Variants in E4F1 observed in about 807,000 individuals in gnomAD.
E4F1 encodes the protein transcription factor E4F1.
E4F1 carries 30 observed loss-of-function variants against 72.9 expected under a neutral mutation model. The observed-to-expected ratio is 0.41, with a 90% CI of 0.31 to 0.56. The LOEUF (loss-of-function observed/expected upper bound fraction) is 0.56. Among genes scored for constraint, E4F1 ranks in the 20% least tolerant of loss-of-function variants. The pLI, the probability that E4F1 is intolerant of heterozygous loss-of-function variation, is 0.25. For synonymous variants in E4F1, 542 were observed against 478.2 expected (o/e 1.13, Z -1.74); for missense variants, 1,091 against 1,117.5 (o/e 0.98, Z 0.34).
chr16:2,234,418 C>T (rs1039257561), intron 10 of E4F1, 30 bp downstream of exon 10: 1 of 1,610,228 alleles, frequency 6.2e-7, no homozygotes, highest in African/African-American at 1.3e-5. Context: ...ACCCTGGCGC[C>T]TGATCCCCCC....
intron 1 of E4F1, among the ~76,000 whole-genome samples, chr16:2,225,400 G>A (rs1284793919): frequency 6.6e-6 from 1 of 151,730 alleles, no homozygotes; most frequent in Non-Finnish European, 1.5e-5. Context: ...TTGGGAGGCT[G>A]AGGTGAGAGG....
At chr16:2,229,739 C>T in intron 3 of E4F1, 64 bp downstream of exon 3, 1 of 1,549,496 alleles carries the variant, frequency 6.5e-7, no homozygotes, top group Non-Finnish European at 8.9e-7. Flanking sequence ...GAGGATGGGG[C>T]CCCTGCTGCC....
chr16:2,235,111 G>A lies in E4F1; in HGVS notation c.1966G>A (p.Ala656Thr). The change falls in exon 13 of 14, where the codon GCC becomes ACC. Residue 656 changes from alanine to threonine, a missense_variant. By Grantham distance (58) the Ala-to-Thr change is moderately conservative (BLOSUM62 0). Transcript: ENST00000301727. ...ATADDAETSEATEIIEGTQTE... is the reference protein window; with the variant it reads ...ATADDAETSETTEIIEGTQTE... ...TGCGGACGATGCGGAGACCAGTGAG[G>A]CCACGGAGATCATCGAGGGCACCCA... 1 of 1,612,416 alleles carries A rather than the reference G, an allele frequency of 6.2e-7. No homozygotes were observed. The highest frequency in any genetic ancestry group is 8.5e-7 in the Non-Finnish European group (1 of 1,179,930).
At chr16:2,229,539 C>T (rs758203892) in intron 2 of E4F1, 31 bp from the exon 3 acceptor site, 23 of 1,595,900 alleles carry the variant, frequency 1.4e-5, no homozygotes, top group East Asian at 8.9e-5. Flanking sequence ...AGCATACAGA[C>T]GACTCCCCTG....
intron 1 of E4F1, chr16:2,224,051 C>A: frequency 1.7e-6 from 2 of 1,180,472 alleles, no homozygotes; most frequent in Non-Finnish European, 2.2e-6. Flanking sequence ...CATTCGCAGA[C>A]GCCGGCGTCC....
rs1242402140 is a variant in E4F1 at position 2,229,570 on chromosome 16, G to A, written c.310G>A (p.Val104Met). The A allele has an allele frequency of 6.2e-7, 1 of 1,609,988 alleles. No individual in the cohort carries two copies. The highest frequency in any genetic ancestry group is 1.7e-5 in the Admixed American group (1 of 60,012). The change falls in exon 3 of 14, where the codon GTG becomes ATG. Residue 104 changes from valine to methionine, a missense_variant and splice_region_variant. Val to Met is a conservative substitution (Grantham distance 21, BLOSUM62 1). Transcript: ENST00000301727. ...CCCTGTTTTCTTCCCCCTTTGGCAG[G>A]TGGTGCCGGCAGCACCAGGCCCAGA... ...PATTALLGQE[V>M]VPAAPGPEEP...
chr16:2,226,174 T>G (rs1313643356), intron 1 of E4F1, among the ~76,000 whole-genome samples: 4 of 152,208 alleles, frequency 2.6e-5, no homozygotes, highest in Non-Finnish European at 4.4e-5. Flanking sequence ...GTCTTGTCTT[T>G]GTCCCCATAG....
At chr16:2,235,024 G>C in intron 12 of E4F1, 23 bp downstream of exon 12, 5 of 1,611,946 alleles carry the variant, frequency 3.1e-6, no homozygotes, top group Non-Finnish European at 4.2e-6. Flanking sequence ...CCCTGGGGCC[G>C]TGCTGGGACC....
At chr16:2,231,029 C>T (rs1243813878) in intron 3 of E4F1, 1 of 152,622 alleles carries the variant, frequency 6.6e-6, no homozygotes, top group Admixed American at 6.5e-5. Context: ...TCTGGCACCC[C>T]TGGGATTTTC....
intron 2 of E4F1, 86 bp downstream of exon 2, chr16:2,228,609 G>C (rs1033484216): frequency 1.3e-6 from 2 of 1,502,190 alleles, no homozygotes; most frequent in Admixed American, 4.0e-5. Context: ...GACCTGTGCA[G>C]CCGGTTCCGG....
Position 2,233,596 on chromosome 16 carries a change from G to A in E4F1, c.1215G>A (p.Leu405=), listed in dbSNP as rs370653709. 1.0e-4 allele frequency: 157 copies of A among 1,510,268 alleles called. No homozygotes were observed. The African/African-American group carries it at 2.0e-3, about 19-fold the overall frequency. 93.6% of individuals were successfully genotyped at this position (1,510,268 alleles called of 1,614,324 possible). A position where few individuals can be genotyped will look rare whatever the true frequency, so the allele number is the denominator to read the frequency against. ...APAAGSSPQP[L]AVAAPQLPVL... ...CTGCCGGGTCCAGTCCCCAGCCCCT[G>A]GCAGTGGCAGCCCCGCAGCTGCCGG... is the stretch of plus-strand genomic sequence containing the variant. Residue 405 remains leucine (L), a synonymous_variant, in exon 8 of 14, where the codon CTG becomes CTA. Transcript: ENST00000301727.
At chr16:2,225,414 A>G (rs2093425096) in intron 1 of E4F1, among the ~76,000 whole-genome samples, 1 of 150,578 alleles carries the variant, frequency 6.6e-6, no homozygotes, top group African/African-American at 2.4e-5. Flanking sequence ...TGAGAGGATC[A>G]CTTGAGCCCA....
At chr16:2,228,233 C>A in intron 1 of E4F1, 139 bp from the exon 2 acceptor site, 1 of 1,191,366 alleles carries the variant, frequency 8.4e-7, no homozygotes, top group Non-Finnish European at 1.2e-6. Context: ...CGAGTGTGTT[C>A]TCAGCAGCCT....
intron 3 of E4F1, chr16:2,231,935 C>T: frequency 3.5e-6 from 2 of 563,642 alleles, no homozygotes; most frequent in Non-Finnish European, 3.1e-6. Flanking sequence ...ATTTAGGGGC[C>T]CTGGAGCATC....
Position 2,228,541 on chromosome 16 carries a change from C to A in E4F1, c.309+18C>A, listed in dbSNP as rs747510999. 20 of 1,607,164 alleles carry A rather than the reference C, an allele frequency of 1.2e-5. No individual in the cohort carries two copies. The highest frequency in any genetic ancestry group is 1.5e-5 in the Non-Finnish European group (18 of 1,176,036). ...GCCAGGAGGTGAGCCCTCACCCACT[C>A]CCCCATCCCCTCCCGGGTTCACCTG... On this transcript the variant is annotated intron_variant, in intron 2 of 13. Coordinates refer to ENST00000301727, the MANE Select transcript of E4F1 (RefSeq NM_004424.5).
intron 1 of E4F1, among the ~76,000 whole-genome samples, chr16:2,226,482 G>T (rs1490509257): frequency 6.6e-6 from 1 of 152,206 alleles, no homozygotes; most frequent in Non-Finnish European, 1.5e-5. Context: ...GCCCCTGCAG[G>T]CGAGTCATAG....
chr16:2,233,412 G>C (rs2093480910), intron 7 of E4F1, 26 bp from the exon 8 acceptor site: 8 of 1,502,210 alleles, frequency 5.3e-6, no homozygotes, highest in Non-Finnish European at 7.1e-6. Flanking sequence ...TGCCTGGCCA[G>C]CCTCCTCTCT....
intron 1 of E4F1, among the ~76,000 whole-genome samples, chr16:2,226,782 G>A (rs1042025186): frequency 7.2e-5 from 11 of 152,236 alleles, no homozygotes; most frequent in African/African-American, 2.7e-4. Flanking sequence ...CCCCAGTGAG[G>A]TGCTTGGCAC....
chr16:2,233,976 A>G lies in E4F1; in HGVS notation c.1361A>G (p.Lys454Arg). The G allele has an allele frequency of 6.3e-7, 1 of 1,595,394 alleles. No homozygotes were observed. Among genetic ancestry groups the G allele is most frequent in the Non-Finnish European group, 8.5e-7 (1 of 1,171,208 alleles). ...ACAGCAGCCACCCTGGAGGCCCACA[A>G]GAGGGGCCACACCGGTAGGTGATGG... is the stretch of plus-strand genomic sequence containing the variant. ...FPTAATLEAH[K>R]RGHTGPRPFA... is the part of the protein sequence containing the mutation. The change falls in exon 9 of 14, where the codon AAG (lysine) becomes AGG (arginine). Residue 454 changes from lysine (K) to arginine (R), a missense_variant. By Grantham distance (26) the Lys-to-Arg change is conservative (BLOSUM62 2). Around this residue, in one of 5 missense-constraint regions of E4F1, gnomAD observed 622 missense variants for 628.0 expected, o/e 0.99. Coordinates refer to ENST00000301727, the MANE Select transcript of E4F1 (RefSeq NM_004424.5).
Sources: gnomAD v4.1 joint callset for allele counts (sites outside exome capture counted in the v4.1 genomes callset) on GRCh38, gnomAD v4.1.1 for gene constraint, gnomAD v4.1.1 regional missense constraint, MANE v1.5 for transcripts, NCBI Gene and HGNC (gene_info 2026-07-23, HGNC 2026-07-21) for gene names.